Variants in CYREN observed in about 807,000 individuals in gnomAD.
CYREN encodes the protein cell cycle regulator of non-homologous end joining.
CYREN carries 7 observed loss-of-function variants against 9.7 expected under a neutral mutation model. The observed-to-expected ratio is 0.72, with a 90% CI of 0.41 to 1.36. The LOEUF is 1.36. Among genes scored for constraint, CYREN ranks in the 40% most tolerant of loss-of-function variants. The pLI is 0.01. For synonymous variants in CYREN, 76 were observed against 77.9 expected (o/e 0.98, Z 0.13); for missense variants, 215 against 198.1 (o/e 1.09, Z -0.51).
chr7:135,153,893 T>C (rs1829723928), intron 2 of CYREN, among the ~76,000 whole-genome samples: 1 of 152,250 alleles, frequency 6.6e-6, no homozygotes, highest in Non-Finnish European at 1.5e-5. Context: ...CTTGATTTTT[T>C]AATAGTTTCA....
At chr7:135,096,742 T>TGAAAGAAAGAAAGAAAGAAAGAAA (rs3038284) in intron 2 of CYREN, among the ~76,000 whole-genome samples, 35 of 101,184 alleles carry the variant, frequency 3.5e-4, no homozygotes, top group South Asian at 1.2e-3. Flanking sequence ...AGAGAAAGAA[T>TGAAAGAAAGAAAGAAAGAAAGAAA]GAAAGAAAGA....
At chr7:135,104,479 T>C (rs1824343993) in intron 2 of CYREN, among the ~76,000 whole-genome samples, 1 of 152,172 alleles carries the variant, frequency 6.6e-6, no homozygotes, top group South Asian at 2.1e-4. Flanking sequence ...GGTAATTCTG[T>C]TTTTAGCTCC....
chr7:135,159,307 C>CT (rs1351851178), intron 2 of CYREN, among the ~76,000 whole-genome samples: 1 of 152,200 alleles, frequency 6.6e-6, no homozygotes, highest in African/African-American at 2.4e-5. Flanking sequence ...AAAATTTACT[C>CT]TTTCAATAAG....
chr7:135,142,371 G>A (rs528348188), intron 2 of CYREN, among the ~76,000 whole-genome samples: 12 of 152,112 alleles, frequency 7.9e-5, no homozygotes, highest in South Asian at 2.1e-4. Context: ...AATACAGTAC[G>A]TAATACATAT....
chr7:135,098,275 G>A (rs1029653000), intron 2 of CYREN, among the ~76,000 whole-genome samples: 14 of 152,132 alleles, frequency 9.2e-5, no homozygotes, highest in African/African-American at 3.1e-4. Context: ...ATCTGCATAT[G>A]CTCAAGTCCT....
chr7:135,115,301 C>T, intron 2 of CYREN: 1 of 910,854 alleles, frequency 1.1e-6, no homozygotes, highest in Non-Finnish European at 1.6e-6. Flanking sequence ...AGATAAAATC[C>T]TTGGCATATA....
chr7:135,166,696 C>T lies in CYREN; in HGVS notation c.389G>A (p.Gly130Asp), dbSNP rs113063661. ...PGLSPSQRPG[G>D]SSSACSRSPE... ...GCTCCTGCTACAGGCAGAGCTGGAA[C>T]CCCCCGGCCTCTGGGAAGGGCTGAG... is the stretch of plus-strand genomic sequence containing the variant. The change falls in exon 4 of 4, where the codon GGT becomes GAT. Residue 130 changes from glycine to aspartate, a missense_variant. Transcript: ENST00000393114. The T allele has an allele frequency of 6.2e-7, 1 of 1,612,350 alleles. No individual in the cohort carries two copies. The highest frequency in any genetic ancestry group is 8.5e-7 in the Non-Finnish European group (1 of 1,179,952).
chr7:135,099,978 C>T (rs1037371238), intron 2 of CYREN: 1 of 147,742 alleles, frequency 6.8e-6, no homozygotes, highest in African/African-American at 2.5e-5. Flanking sequence ...AGCTCCGCCT[C>T]CCAGGTTCAC....
chr7:135,171,309 G>GT (rs1157602408), upstream of CYREN, among the ~76,000 whole-genome samples: 107 of 23,194 alleles, frequency 4.6e-3, 2 homozygotes, highest in South Asian at 0.17. Flanking sequence ...CTCAGTACCT[G>GT]TTTTTTTTTT....
At chr7:135,135,153 G>A in intron 2 of CYREN, 1 of 1,551,080 alleles carries the variant, frequency 6.4e-7, no homozygotes, top group Non-Finnish European at 8.7e-7. Flanking sequence ...AAACTAACCA[G>A]CAAAGCTCTA....
At chr7:135,118,764 T>C (rs1048344024) in intron 2 of CYREN, among the ~76,000 whole-genome samples, 1 of 151,934 alleles carries the variant, frequency 6.6e-6, no homozygotes, top group African/African-American at 2.4e-5. Flanking sequence ...CAAAAAACAC[T>C]TATAAACACA....
At position 135,113,821 on chromosome 7, in the gene CYREN, C is replaced by G. The variant is rs150741098; in HGVS notation, n.357-19239G>C. Reference sequence around the variant, plus strand: ...TATTCCTCTGCAATTCTCCCTCCCCCCAGCACCTGGAAACCATCCTTCTAC... The same window carrying G: ...TATTCCTCTGCAATTCTCCCTCCCCGCAGCACCTGGAAACCATCCTTCTAC... On this transcript the variant is annotated intron_variant and non_coding_transcript_variant, in intron 2 of 2. Transcript: ENST00000459937. Among the ~76,000 whole-genome samples, 58 of 152,312 alleles carry G rather than the reference C, an allele frequency of 3.8e-4. 1 individual carries two copies. The East Asian group carries it at 0.011, about 29-fold the overall frequency.
chr7:135,167,343 G>T (rs997450897), intron 3 of CYREN: 3 of 1,086,988 alleles, frequency 2.8e-6, no homozygotes, highest in Non-Finnish European at 3.4e-6. Context: ...CAGGAAGCTA[G>T]GAAGCTCAGC....
Position 135,168,827 on chromosome 7 carries a change from G to A in CYREN, c.96C>T (p.Pro32=). ...GCACTGCTGCCATTCTCATCCTCTT[G>A]GGGGCCTTCATTGGTGCCACATTCT... ...ATKNVAPMKA[P]KRMRMAAVPV... Residue 32 remains proline, a synonymous_variant, in exon 2 of 4, where the codon CCC becomes CCT. Coordinates refer to ENST00000393114, the MANE Select transcript of CYREN (RefSeq NM_024033.4). 1 of 1,613,956 alleles carries A rather than the reference G, an allele frequency of 6.2e-7. No individual in the cohort carries two copies. Among genetic ancestry groups the A allele is most frequent in the Non-Finnish European group, 8.5e-7 (1 of 1,179,916 alleles).
intron 2 of CYREN, among the ~76,000 whole-genome samples, chr7:135,136,994 C>T (rs1288626163): frequency 6.6e-6 from 1 of 152,012 alleles, no homozygotes; most frequent in African/African-American, 2.4e-5. Context: ...CTGAGCATGC[C>T]ACTCTCTCAT....
chr7:135,094,230 T>C (rs1025141790), exon 3 of CYREN: 1 of 372,030 alleles, frequency 2.7e-6, no homozygotes, highest in African/African-American at 2.1e-5. Context: ...AAGTCAACAT[T>C]CCTGTCCTTA....
intron 2 of CYREN, among the ~76,000 whole-genome samples, chr7:135,145,642 C>T (rs569667092): frequency 6.6e-6 from 1 of 152,240 alleles, no homozygotes; most frequent in African/African-American, 2.4e-5. Flanking sequence ...AGCAAACAAA[C>T]TTTTTAAAAA....
chr7:135,166,748 TG>T lies in CYREN; in HGVS notation c.336del (p.Asp112GlufsTer37), dbSNP rs1562930407. ...CCTGGAGCCAGTGCCTGTTTCCCAC[TG>T]TCCTCTTCCTCACTGCTGCTCCCAG... is the stretch of plus-strand genomic sequence containing the variant. The part of the protein sequence containing the change: ...TSSGSSSEEE[D>X]SGKQALAPGL... On this transcript the variant is annotated frameshift_variant, in exon 4 of 4. Coordinates refer to ENST00000393114, the MANE Select transcript of CYREN (RefSeq NM_024033.4). LOFTEE classifies it low-confidence loss of function (END_TRUNC). 6.2e-7 allele frequency: 1 copy of T among 1,614,108 alleles called. No individual in the cohort carries two copies. Among genetic ancestry groups the T allele is most frequent in the Non-Finnish European group, 8.5e-7 (1 of 1,180,034 alleles).
chr7:135,120,256 A>G (rs907932772), intron 2 of CYREN, among the ~76,000 whole-genome samples: 1 of 152,228 alleles, frequency 6.6e-6, no homozygotes, highest in Non-Finnish European at 1.5e-5. Flanking sequence ...TTGATGGTTG[A>G]AGCAAAAATT....
Sources: allele counts gnomAD v4.1 joint callset (sites outside exome capture counted in the v4.1 genomes callset), GRCh38; gene constraint gnomAD v4.1.1; transcripts MANE v1.5; gene names NCBI Gene and HGNC (gene_info 2026-07-23, HGNC 2026-07-21).